The following ZAN variants were observed in gnomAD, a reference collection of about 807,000 sequenced individuals.
ZAN encodes the protein zonadhesin (gene/pseudogene).
In ZAN, 260 loss-of-function variants were observed where a neutral mutation model predicts 286.2. The observed-to-expected ratio is 0.91, with a 90% CI of 0.82 to 1.01. The LOEUF is 1.01. Among genes scored for constraint, ZAN ranks in the 50% least tolerant of loss-of-function variants. The pLI is 0.00. For missense variants in ZAN, 3,410 were observed against 3,639.2 expected, an observed-to-expected ratio of 0.94 and a Z score of 1.62; for synonymous variants, 1,368 against 1,417.5, an observed-to-expected ratio of 0.97 and a Z score of 0.79.
At chr7:100,751,158 G>GTC (rs768541039) in intron 12 of ZAN, 24 bp from the exon 13 acceptor site, 2 of 1,569,196 alleles carry the variant, frequency 1.3e-6, no homozygotes, top group African/African-American at 1.4e-5. Context: ...TTCTCTCTCC[G>GTC]TCTCTCTCCC....
At position 100,767,113 on chromosome 7, in the gene ZAN, C is replaced by T; in HGVS notation, c.4716C>T (p.Cys1572=). ...GTCTYVLTRP[C]WSRSQDSYFV... ...GCACCTATGTCCTGACCCGGCCTTG[C>T]TGGTCCAGGTCCCAAGACAGCTATT... The change falls in exon 25 of 48, where the codon TGC becomes TGT. Residue 1572 remains cysteine, a synonymous_variant. Coordinates refer to ENST00000613979, the MANE Select transcript of ZAN (RefSeq NM_003386.3). The T allele has an allele frequency of 6.2e-6, 10 of 1,613,958 alleles. No homozygotes were observed. Among genetic ancestry groups the T allele is most frequent in the Non-Finnish European group, 7.6e-6 (9 of 1,179,874 alleles).
In ZAN at chr7:100,790,973, T is replaced by C. The variant is rs748014181; in HGVS notation, c.7389T>C (p.Leu2463=). The change falls in exon 40 of 48, where the codon CTT becomes CTC. Residue 2463 remains leucine, a synonymous_variant. Transcript: ENST00000613979. ...CCCTACCCAGCATGTACGAGGGGCT[T>C]GTGAGTGGCCTGTGCGGAAACTACG... ...VISLPSMYEG[L]VSGLCGNYDK... The C allele has an allele frequency of 1.2e-5, 20 of 1,611,886 alleles. No individual in the cohort carries two copies. The highest frequency in any genetic ancestry group is 1.7e-5 in the Non-Finnish European group (20 of 1,179,340).
intron 28 of ZAN, among the ~76,000 whole-genome samples, chr7:100,770,964 C>T (rs1436622551): frequency 3.3e-5 from 5 of 152,120 alleles, no homozygotes; most frequent in African/African-American, 9.7e-5. Flanking sequence ...CCACCACACC[C>T]GGCTAGTTTT....
In ZAN at chr7:100,794,004, G is replaced by A; in HGVS notation, c.7972G>A (p.Gly2658Ser). ...GGCTGACTGTGGCTGCACCAGCAAT[G>A]GCATCTACTACCAGGTCTGAGCTGG... ...PLADCGCTSN[G>S]IYYQLGSSFL... The change falls in exon 43 of 48, where the codon GGC (glycine) becomes AGC (serine). Residue 2658 changes from glycine (G) to serine (S), a missense_variant. Gly to Ser is a moderately conservative substitution (Grantham distance 56). This residue lies in a region of ZAN where 1,289 missense variants were observed against 1,314.3 expected (regional missense o/e 0.98). Transcript: ENST00000613979. The A allele has an allele frequency of 3.1e-6, 5 of 1,613,460 alleles. No homozygotes were observed. Among genetic ancestry groups the A allele is most frequent in the Non-Finnish European group, 4.2e-6 (5 of 1,179,736 alleles).
At position 100,759,717 on chromosome 7, in the gene ZAN, C is replaced by T; in HGVS notation, c.3572-4C>T. The T allele has an allele frequency of 6.3e-7, 1 of 1,582,494 alleles. No individual in the cohort carries two copies. Among genetic ancestry groups the T allele is most frequent in the Non-Finnish European group, 8.6e-7 (1 of 1,164,260 alleles). ...GGGCTCTCTTCATTCCTCTCCCTACCCAGACCCATTCTTCAGGGTGACAGC... is the reference window on the plus strand; with the variant it reads ...GGGCTCTCTTCATTCCTCTCCCTACTCAGACCCATTCTTCAGGGTGACAGC... On this transcript the variant is annotated splice_region_variant and splice_polypyrimidine_tract_variant and intron_variant, in intron 17 of 47. Transcript: ENST00000613979.
intron 35 of ZAN, among the ~76,000 whole-genome samples, chr7:100,783,876 G>A (rs1811388078): frequency 7.1e-6 from 1 of 140,846 alleles, no homozygotes; most frequent in African/African-American, 2.7e-5. Context: ...CACTGAGGCA[G>A]AACTAACATC....
At position 100,771,914 on chromosome 7, in the gene ZAN, T is replaced by A. The variant is rs779736998; in HGVS notation, c.5319T>A (p.Cys1773Ter). 6.2e-7 allele frequency: 1 copy of A among 1,613,240 alleles called. No homozygotes were observed. Among genetic ancestry groups the A allele is most frequent in the East Asian group, 2.2e-5 (1 of 44,824 alleles). ...TTGCCAGTTGCGTGCATGGTCAGTG[T>A]GGGACCAAGGGCGACACCACAGCCC... ...SSFASCVHGQCGTKGDTTALC... is the reference protein window; with the variant it reads ...SSFASCVHGQ Residue 1773 changes from cysteine to a stop codon, truncating the protein, a stop_gained, in exon 29 of 48, where the codon TGT (cysteine) becomes TGA (stop). Transcript: ENST00000613979. LOFTEE classifies it high-confidence loss of function.
At chr7:100,792,224 T>C (rs2116333284) in intron 41 of ZAN, 76 bp downstream of exon 41, 2 of 1,504,430 alleles carry the variant, frequency 1.3e-6, no homozygotes, top group East Asian at 2.4e-5. Flanking sequence ...TCCTGCCCGC[T>C]TCCTGACCCA....
chr7:100,753,178 C>G lies in ZAN; in HGVS notation c.3073C>G (p.Pro1025Ala). 6.2e-7 allele frequency: 1 copy of G among 1,612,056 alleles called. No individual in the cohort carries two copies. Among genetic ancestry groups the G allele is most frequent in the Non-Finnish European group, 8.5e-7 (1 of 1,179,084 alleles). The change falls in exon 14 of 48, where the codon CCT becomes GCT. Residue 1025 changes from proline (P) to alanine (A), a missense_variant. Physicochemically the swap from Pro to Ala is conservative, Grantham distance 27 (BLOSUM62 -1). Transcript: ENST00000613979. ...LVMSPHAPST[P>A]MTSVILGTTT... is the part of the protein sequence containing the mutation. ...GATGTCTCCACATGCTCCAAGTACCCCTATGACCAGTGTGATTCTGGGCAC... is the reference window on the plus strand; with the variant it reads ...GATGTCTCCACATGCTCCAAGTACCGCTATGACCAGTGTGATTCTGGGCAC...
intron 31 of ZAN, 81 bp downstream of exon 31, chr7:100,773,946 G>C: frequency 6.6e-7 from 1 of 1,506,272 alleles, no homozygotes; most frequent in Non-Finnish European, 8.9e-7. Context: ...CCTGCTGCCT[G>C]TAGCACTGGG....
At position 100,794,018 on chromosome 7, in the gene ZAN, G is replaced by T; in HGVS notation, c.7986G>T (p.Gln2662His). Residue 2662 changes from glutamine to histidine, a missense_variant and splice_region_variant, in exon 43 of 48, where the codon CAG becomes CAT. By Grantham distance (24) the Gln-to-His change is conservative. Transcript: ENST00000613979. ...CGCTSNGIYY[Q>H]LGSSFLTEDC... The stretch of plus-strand genomic sequence containing the variant: ...GCACCAGCAATGGCATCTACTACCA[G>T]GTCTGAGCTGGCAGCAGGAGGCCCT... 6.2e-7 allele frequency: 1 copy of T among 1,612,946 alleles called. No homozygotes were observed.
chr7:100,749,671 T>G (rs1224019322), intron 11 of ZAN, among the ~76,000 whole-genome samples: 1 of 137,826 alleles, frequency 7.3e-6, no homozygotes, highest in Non-Finnish European at 1.5e-5. Flanking sequence ...TATATATATA[T>G]ATATACACAC....
intron 41 of ZAN, 83 bp from the exon 42 acceptor site, chr7:100,792,322 G>A: frequency 6.6e-7 from 1 of 1,520,782 alleles, no homozygotes; most frequent in Non-Finnish European, 8.8e-7. Context: ...TTTCTGTTTG[G>A]GGTTCCAGGC....
chr7:100,752,738 T>TCACCATCACCACGGAAAAACC lies in ZAN; in HGVS notation c.2640_2641insACCACGGAAAAACCCACCATC (p.Ile880_Pro881insThrThrGluLysProThrIle). 8.2e-7 allele frequency: 1 copy of TCACCATCACCACGGAAAAACC among 1,225,144 alleles called. No individual in the cohort carries two copies. The highest frequency in any genetic ancestry group is 4.3e-5 in the East Asian group (1 of 23,368). The allele number at this position is 1,225,144 out of a possible 1,614,324, so 75.9% of individuals were successfully genotyped here. A position where few individuals can be genotyped will look rare whatever the true frequency, so the allele number is the denominator to read the frequency against. On this transcript the variant is annotated inframe_insertion, in exon 14 of 48. Transcript: ENST00000613979. ...AAACTCACCATCCCCACGGAAAAAC[T>TCACCATCACCACGGAAAAACC]CACCATCCCCACGGAAAAACCCACC...
At chr7:100,738,774 C>G (rs1421107069) in intron 7 of ZAN, among the ~76,000 whole-genome samples, 161 bp downstream of exon 7, 1 of 138,228 alleles carries the variant, frequency 7.2e-6, no homozygotes, top group Non-Finnish European at 1.6e-5. Context: ...CAGCCTCCCC[C>G]ACCACCGCCC....
At position 100,758,340 on chromosome 7, in the gene ZAN, T is replaced by C. The variant is rs1584579201; in HGVS notation, c.3448T>C (p.Tyr1150His). 1 of 1,612,066 alleles carries C rather than the reference T, an allele frequency of 6.2e-7. No homozygotes were observed. The highest frequency in any genetic ancestry group is 8.5e-7 in the Non-Finnish European group (1 of 1,179,222). ...LKNGQYGCHP[Y>H]AGTATCLVYG... ...GAATGGCCAGTATGGATGCCACCCC[T>C]ACGGTGAGAGCCCCTCCCCATGCTG... The change falls in exon 16 of 48, where the codon TAC becomes CAC. Residue 1150 changes from tyrosine to histidine, a missense_variant. Transcript: ENST00000613979.
Position 100,794,116 on chromosome 7 carries a change from C to G in ZAN, c.7987-4C>G. 6 of 1,614,022 alleles carry G rather than the reference C, an allele frequency of 3.7e-6. No homozygotes were observed. The highest frequency in any genetic ancestry group is 5.1e-6 in the Non-Finnish European group (6 of 1,179,878). ...CGTCTCCTCCTGGCCCTTCCCCTTT[C>G]TAGCTGGGCAGCAGCTTTCTGACTG... is the stretch of plus-strand genomic sequence containing the variant. On this transcript the variant is annotated splice_polypyrimidine_tract_variant and splice_region_variant and intron_variant, in intron 43 of 47. Transcript: ENST00000613979.
At position 100,790,998 on chromosome 7, in the gene ZAN, G is replaced by A. The variant is rs771782403; in HGVS notation, c.7414G>A (p.Asp2472Asn). ...TGTGAGTGGCCTGTGCGGAAACTAC[G>A]ACAAGAACCGCAAGAATGACATGAT... is the stretch of plus-strand genomic sequence containing the variant. ...GLVSGLCGNYDKNRKNDMMLP... is the reference protein window; with the variant it reads ...GLVSGLCGNYNKNRKNDMMLP... The change falls in exon 40 of 48, where the codon GAC becomes AAC. Residue 2472 changes from aspartate (D) to asparagine (N), a missense_variant. This residue lies in a region of ZAN where 1,289 missense variants were observed against 1,314.3 expected (regional missense o/e 0.98). Transcript: ENST00000613979. 6.8e-6 allele frequency: 11 copies of A among 1,611,826 alleles called. No individual in the cohort carries two copies. In the East Asian group the frequency reaches 8.9e-5, roughly 13 times the overall value.
chr7:100,759,969 C>G, intron 18 of ZAN, 124 bp downstream of exon 18: 7 of 1,395,318 alleles, frequency 5.0e-6, no homozygotes, highest in Non-Finnish European at 6.6e-6. Context: ...ATCCCAGCTC[C>G]TTGGGAGGCT....
Sources: gnomAD v4.1 joint callset for allele counts (sites outside exome capture counted in the v4.1 genomes callset) on GRCh38, gnomAD v4.1.1 for gene constraint, gnomAD v4.1.1 regional missense constraint, MANE v1.5 for transcripts, NCBI Gene and HGNC (gene_info 2026-07-23, HGNC 2026-07-21) for gene names.